The following ZNF587B variants were observed in gnomAD, a reference collection of about 807,000 sequenced individuals.
ZNF587B encodes zinc finger protein 587B.
In ZNF587B, 6 loss-of-function variants were observed where a neutral mutation model predicts 7.2. That is an observed-to-expected ratio of 0.83 (90% confidence interval 0.46 to 1.65). The LOEUF is 1.65. ZNF587B is among the 40% of genes most tolerant of loss of function. ZNF587B has a pLI of 0.01. For missense variants in ZNF587B, 749 were observed against 761.0 expected, an observed-to-expected ratio of 0.98 and a Z score of 0.19; for synonymous variants, 274 against 254.3, an observed-to-expected ratio of 1.08 and a Z score of -0.74.
chr19:57,843,479 A>T lies in ZNF587B; in HGVS notation c.*903A>T. 2.0e-6 allele frequency: 2 copies of T among 984,190 alleles called. No individual in the cohort carries two copies. The highest frequency in any genetic ancestry group is 2.4e-6 in the Non-Finnish European group (2 of 829,842). 61.0% of individuals were successfully genotyped at this position (984,190 alleles called of 1,614,324 possible). The stretch of plus-strand genomic sequence containing the variant: ...TCTCAGCTACTTGGTAGGTACCCAC[A>T]TTGCATCATTCACCTATTTCGTATT... On this transcript the variant is annotated 3_prime_UTR_variant, in exon 3 of 3. Transcript: ENST00000594901.
chr19:57,842,457 A>G lies in ZNF587B; in HGVS notation c.1783A>G (p.Asn595Asp), dbSNP rs746475711. The G allele has an allele frequency of 1.2e-6, 2 of 1,601,966 alleles. No individual in the cohort carries two copies. The change falls in exon 3 of 3, where the codon AAT becomes GAT. Residue 595 changes from asparagine (N) to aspartate (D), a missense_variant. This residue lies in a region of ZNF587B where 656 missense variants were observed against 596.5 expected (regional missense o/e 1.10). Coordinates refer to ENST00000594901, the MANE Select transcript of ZNF587B (RefSeq NM_001376223.1). ...TTTTGCTGGAATCTCCAGTCTCACT[A>G]ATCACAGGAGAGTTCACACTGGAGA... ...KSFAGISSLT[N>D]HRRVHTGEKP...
chr19:57,838,153 A>G (rs112471971), intron 1 of ZNF587B, among the ~76,000 whole-genome samples: 8,428 of 151,894 alleles, frequency 0.055, 784 homozygotes, highest in African/African-American at 0.19. Flanking sequence ...CTAAAAATAC[A>G]TAAATTAGCC....
intron 1 of ZNF587B, 58 bp downstream of exon 1, chr19:57,830,622 G>T: frequency 6.5e-7 from 1 of 1,536,568 alleles, no homozygotes. Context: ...AAAGCCTGTA[G>T]TCTTGCAAGG....
intron 1 of ZNF587B, 83 bp from the exon 2 acceptor site, chr19:57,838,940 C>T (rs547486127): frequency 3.9e-5 from 58 of 1,477,992 alleles, no homozygotes; most frequent in South Asian, 2.1e-4. Context: ...GGAGGATGTG[C>T]GAGAGTAGAT....
chr19:57,843,586 G>GTTTTTTTTTTTTTTTTTTTTTTTT lies in ZNF587B; in HGVS notation c.*1010_*1011insTTTTTTTTTTTTTTTTTTTTTTTT, dbSNP rs1988945019. On this transcript the variant is annotated 3_prime_UTR_variant, in exon 3 of 3. Transcript: ENST00000594901. ...TGTTTGGTTGGTTGGTTGGTTGGTT[G>GTTTTTTTTTTTTTTTTTTTTTTTT]GTTGTTTTTTTTTGTTTTTTTTTTT... 1 of 816,594 alleles carries GTTTTTTTTTTTTTTTTTTTTTTTT rather than the reference G, an allele frequency of 1.2e-6. No individual in the cohort carries two copies. The highest frequency in any genetic ancestry group is 7.6e-5 in the Admixed American group (1 of 13,180). 50.6% of individuals were successfully genotyped at this position (816,594 alleles called of 1,614,324 possible). A position where few individuals can be genotyped will look rare whatever the true frequency, so the allele number is the denominator to read the frequency against.
At chr19:57,838,075 G>A (rs1284832179) in intron 1 of ZNF587B, among the ~76,000 whole-genome samples, 3 of 152,026 alleles carry the variant, frequency 2.0e-5, no homozygotes, top group African/African-American at 7.2e-5. Context: ...TTGGGAAGCT[G>A]AGGTGGGTGG....
chr19:57,837,356 A>G (rs1988657743), intron 1 of ZNF587B, among the ~76,000 whole-genome samples: 1 of 151,644 alleles, frequency 6.6e-6, no homozygotes, highest in Non-Finnish European at 1.5e-5. Context: ...TCCCTGGTTC[A>G]AGTGATTCTC....
chr19:57,843,041 G>A lies in ZNF587B; in HGVS notation c.*465G>A, dbSNP rs369744985. The A allele has an allele frequency of 1.1e-6, 1 of 936,098 alleles. No homozygotes were observed. The allele number at this position is 936,098 out of a possible 1,614,324, so 58.0% of individuals were successfully genotyped here. A position where few individuals can be genotyped will look rare whatever the true frequency, so the allele number is the denominator to read the frequency against. ...GAGACGGTCTCACTCCATCACCCAT[G>A]CTGGTGTGCAGTGCTGCGATCGTAG... is the stretch of plus-strand genomic sequence containing the variant. On this transcript the variant is annotated 3_prime_UTR_variant, in exon 3 of 3. Coordinates refer to ENST00000594901, the MANE Select transcript of ZNF587B (RefSeq NM_001376223.1).
rs1192374759 is a variant in ZNF587B, at chr19:57,845,816, C to T, written c.*3240C>T. 6.6e-6 allele frequency: 1 copy of T among 152,146 alleles called. No homozygotes were observed. The highest frequency in any genetic ancestry group is 1.5e-5 in the Non-Finnish European group (1 of 68,046). The allele number at this position is 152,146 out of a possible 1,614,324, so 9.4% of individuals were successfully genotyped here. ...GACCAGTGTGGGGAACATGGCAAAA[C>T]CTTGTCTCTAGGAAAAATAGCCAGG... On this transcript the variant is annotated 3_prime_UTR_variant, in exon 3 of 3. Coordinates refer to ENST00000594901, the MANE Select transcript of ZNF587B (RefSeq NM_001376223.1).
In ZNF587B at chr19:57,842,465, G is replaced by T; in HGVS notation, c.1791G>T (p.Arg597Ser). Residue 597 changes from arginine (R) to serine (S), a missense_variant, in exon 3 of 3, where the codon AGG (arginine) becomes AGT (serine). Arg to Ser is a moderately radical substitution (Grantham distance 110, BLOSUM62 -1). This residue lies in a region of ZNF587B where 656 missense variants were observed against 596.5 expected (regional missense o/e 1.10). Transcript: ENST00000594901. ...FAGISSLTNH[R>S]RVHTGEKPYG... is the part of the protein sequence containing the mutation. ...GAATCTCCAGTCTCACTAATCACAG[G>T]AGAGTTCACACTGGAGAAAAGCCTT... is the stretch of plus-strand genomic sequence containing the variant. The T allele has an allele frequency of 6.3e-7, 1 of 1,599,366 alleles. No individual in the cohort carries two copies. The highest frequency in any genetic ancestry group is 8.5e-7 in the Non-Finnish European group (1 of 1,174,608).
At chr19:57,831,284 A>G (rs1323455952) in intron 1 of ZNF587B, among the ~76,000 whole-genome samples, 1 of 152,202 alleles carries the variant, frequency 6.6e-6, no homozygotes, top group Non-Finnish European at 1.5e-5. Context: ...GAGAATCTAA[A>G]AACAGGGTTA....
chr19:57,831,070 G>A (rs561670600), intron 1 of ZNF587B, among the ~76,000 whole-genome samples: 2 of 152,288 alleles, frequency 1.3e-5, no homozygotes, highest in South Asian at 4.1e-4. Flanking sequence ...TCAATCAGAC[G>A]AATTCCTGGG....
intron 1 of ZNF587B, among the ~76,000 whole-genome samples, chr19:57,838,710 A>G (rs1235819523): frequency 1.3e-5 from 2 of 152,190 alleles, no homozygotes; most frequent in African/African-American, 2.4e-5. Context: ...CTGGAAGTCT[A>G]AAGAATGAGG....
chr19:57,836,560 C>T (rs113871567), intron 1 of ZNF587B, among the ~76,000 whole-genome samples: 3 of 152,078 alleles, frequency 2.0e-5, no homozygotes, highest in African/African-American at 7.2e-5. Flanking sequence ...CTTGCCTTGT[C>T]GTCCAGGCTG....
chr19:57,842,619 A>T lies in ZNF587B; in HGVS notation c.*43A>T. 7.2e-7 allele frequency: 1 copy of T among 1,394,238 alleles called. No homozygotes were observed. Among genetic ancestry groups the T allele is most frequent in the Non-Finnish European group, 9.3e-7 (1 of 1,075,552 alleles). The allele number at this position is 1,394,238 out of a possible 1,614,324, so 86.4% of individuals were successfully genotyped here. ...AGTCTCATTAAATACAGGAGAGCAC[A>T]CACCTGAGTAAGATCTTGTGATTGC... On this transcript the variant is annotated 3_prime_UTR_variant, in exon 3 of 3. Transcript: ENST00000594901.
chr19:57,839,555 T>C (rs533651957), intron 2 of ZNF587B, among the ~76,000 whole-genome samples: 89 of 152,310 alleles, frequency 5.8e-4, no homozygotes, highest in African/African-American at 2.0e-3. Context: ...TCTTGCAAGA[T>C]CTTCTTTAGA....
intron 1 of ZNF587B, among the ~76,000 whole-genome samples, chr19:57,832,755 G>A (rs1272549337): frequency 2.6e-5 from 4 of 152,254 alleles, no homozygotes; most frequent in Admixed American, 6.5e-5. Flanking sequence ...CTACTTTAGC[G>A]GGAACCCCAC....
rs745972994 is a variant in ZNF587B at position 57,841,981 on chromosome 19, G to C, written c.1307G>C (p.Arg436Thr). 4 of 1,608,580 alleles carry C rather than the reference G, an allele frequency of 2.5e-6. No homozygotes were observed. The highest frequency in any genetic ancestry group is 3.4e-6 in the Non-Finnish European group (4 of 1,177,302). The change falls in exon 3 of 3, where the codon AGA (arginine) becomes ACA (threonine). Residue 436 changes from arginine (R) to threonine (T), a missense_variant. Arg to Thr is a moderately conservative substitution (Grantham distance 71, BLOSUM62 -1). Coordinates refer to ENST00000594901, the MANE Select transcript of ZNF587B (RefSeq NM_001376223.1). ...CATCAGCGAGTTCACACTACAGAAAGACCTTATAAGTGTGGGGAATGTGGG... is the reference window on the plus strand; with the variant it reads ...CATCAGCGAGTTCACACTACAGAAACACCTTATAAGTGTGGGGAATGTGGG... Reference protein sequence around the residue: ...RSHQRVHTTERPYKCGECGKC... With the variant: ...RSHQRVHTTETPYKCGECGKC...
chr19:57,843,085 C>A lies in ZNF587B; in HGVS notation c.*509C>A, dbSNP rs1187825160. 2.7e-6 allele frequency: 2 copies of A among 739,816 alleles called. No individual in the cohort carries two copies. The highest frequency in any genetic ancestry group is 3.8e-5 in the African/African-American group (2 of 52,340). 45.8% of individuals were successfully genotyped at this position (739,816 alleles called of 1,614,324 possible). A position where few individuals can be genotyped will look rare whatever the true frequency, so the allele number is the denominator to read the frequency against. On this transcript the variant is annotated 3_prime_UTR_variant, in exon 3 of 3. Coordinates refer to ENST00000594901, the MANE Select transcript of ZNF587B (RefSeq NM_001376223.1). Reference sequence around the variant, plus strand: ...ATCGTAGCTCACTGCATCCTCCGCCCCCTAGGCTCAAGTGATCTTCCCACC... The same window carrying A: ...ATCGTAGCTCACTGCATCCTCCGCCACCTAGGCTCAAGTGATCTTCCCACC...
Sources: gnomAD v4.1 joint callset for allele counts (sites outside exome capture counted in the v4.1 genomes callset) on GRCh38, gnomAD v4.1.1 for gene constraint, gnomAD v4.1.1 regional missense constraint, MANE v1.5 for transcripts, NCBI Gene and HGNC (gene_info 2026-07-23, HGNC 2026-07-21) for gene names.